The following ANKDD1A variants were observed in gnomAD, a reference collection of about 807,000 sequenced individuals.
The protein encoded by ANKDD1A is ankyrin repeat and death domain containing 1A.
In ANKDD1A, 59 loss-of-function variants were observed where a neutral mutation model predicts 63.5. The ratio of observed to expected loss-of-function variants is 0.93; its 90% CI spans 0.75 to 1.15. The LOEUF (loss-of-function observed/expected upper bound fraction) is 1.15. ANKDD1A is among the 50% of genes most tolerant of loss of function. ANKDD1A has a pLI of 0.00. For synonymous variants in ANKDD1A, 266 were observed against 263.9 expected, an observed-to-expected ratio of 1.01 and a Z score of -0.08; for missense variants, 632 against 656.4, an observed-to-expected ratio of 0.96 and a Z score of 0.41.
intron 14 of ANKDD1A, among the ~76,000 whole-genome samples, chr15:64,952,366 T>TA (rs1027296640): frequency 8.6e-5 from 10 of 116,080 alleles, no homozygotes; most frequent in Admixed American, 8.9e-5. Context: ...TCCTTCTTCT[T>TA]TCTTCTTCCT....
chr15:64,953,435 CCTT>C (rs201552749), intron 14 of ANKDD1A, among the ~76,000 whole-genome samples: 7 of 143,644 alleles, frequency 4.9e-5, no homozygotes, highest in African/African-American at 1.8e-4. Flanking sequence ...TCTTCCTCCT[CCTT>C]CCTTTTCTTC....
At position 64,958,278 on chromosome 15, in the gene ANKDD1A, T is replaced by C. The variant is rs1376087371; in HGVS notation, c.*1090T>C. ...TGGGCATTGGTCAAAACCCATAGCATGTACAGCACAAAGCGTTTGCTCTAA... is the reference window on the plus strand; with the variant it reads ...TGGGCATTGGTCAAAACCCATAGCACGTACAGCACAAAGCGTTTGCTCTAA... On this transcript the variant is annotated 3_prime_UTR_variant, in exon 15 of 15. Coordinates refer to ENST00000319580, the MANE Select transcript of ANKDD1A (RefSeq NM_182703.6). 1.3e-5 allele frequency: 2 copies of C among 152,250 alleles called. No homozygotes were observed. The highest frequency in any genetic ancestry group is 4.8e-5 in the African/African-American group (2 of 41,456). 9.4% of individuals were successfully genotyped at this position (152,250 alleles called of 1,614,324 possible).
At chr15:64,926,530 C>A (rs2085047118) in intron 5 of ANKDD1A, among the ~76,000 whole-genome samples, 1 of 151,876 alleles carries the variant, frequency 6.6e-6, no homozygotes, top group Non-Finnish European at 1.5e-5. Flanking sequence ...CTTGTGGGAG[C>A]TTTAGGGACA....
chr15:64,941,824 G>C (rs1213289214), intron 9 of ANKDD1A, among the ~76,000 whole-genome samples: 2 of 152,176 alleles, frequency 1.3e-5, no homozygotes, highest in Non-Finnish European at 2.9e-5. Flanking sequence ...GTCTTCCACT[G>C]TTGAAGGAGA....
intron 2 of ANKDD1A, among the ~76,000 whole-genome samples, chr15:64,916,267 A>G (rs901173276): frequency 3.3e-5 from 5 of 152,096 alleles, no homozygotes; most frequent in Non-Finnish European, 7.4e-5. Flanking sequence ...GCATCTCACA[A>G]ACAATTCATT....
chr15:64,950,747 C>CTG lies in ANKDD1A; in HGVS notation c.1483+775_1483+776insTG, dbSNP rs1555397230. The CTG allele has an allele frequency of 3.1e-3, 2,800 of 905,340 alleles. 240 individuals carry two copies. Among genetic ancestry groups the CTG allele is most frequent in the Admixed American group, 3.9e-3 (40 of 10,168 alleles). The allele number at this position is 905,340 out of a possible 1,614,324, so 56.1% of individuals were successfully genotyped here. A position where few individuals can be genotyped will look rare whatever the true frequency, so the allele number is the denominator to read the frequency against. On this transcript the variant is annotated intron_variant, in intron 14 of 14. Transcript: ENST00000319580. Reference sequence around the variant, plus strand: ...AAGGACCGCCCCCCCCCCCCCCCCCCCCCATAGCTGCTATAGGCAAGGTGG... The same window carrying CTG: ...AAGGACCGCCCCCCCCCCCCCCCCCCTGCCCATAGCTGCTATAGGCAAGGTGG...
intron 9 of ANKDD1A, among the ~76,000 whole-genome samples, chr15:64,939,172 A>ATG (rs2085160491): frequency 6.7e-6 from 1 of 149,746 alleles, no homozygotes; most frequent in Non-Finnish European, 1.5e-5. Flanking sequence ...GGTAGCTTGC[A>ATG]CCTGTAATCC....
intron 12 of ANKDD1A, 113 bp downstream of exon 12, chr15:64,944,860 A>G (rs2085211255): frequency 5.1e-6 from 5 of 987,904 alleles, no homozygotes; most frequent in East Asian, 2.6e-5. Flanking sequence ...TCAGTCTCCA[A>G]GCAGGTGATA....
intron 1 of ANKDD1A, among the ~76,000 whole-genome samples, chr15:64,912,580 G>A (rs544514277): frequency 5.3e-5 from 8 of 152,342 alleles, no homozygotes; most frequent in African/African-American, 1.2e-4. Flanking sequence ...TCTAGGCCGG[G>A]CAGCAGCGTC....
At position 64,954,175 on chromosome 15, in the gene ANKDD1A, C is replaced by A. The variant is rs1165045053; in HGVS notation, c.1484-2928C>A. Among the ~76,000 whole-genome samples, 322 of 59,408 alleles carry A rather than the reference C, an allele frequency of 5.4e-3. 2 individuals carry two copies. Among genetic ancestry groups the A allele is most frequent in the African/African-American group, 0.011 (308 of 28,460 alleles). 39.0% of individuals were successfully genotyped at this position (59,408 alleles called of 152,430 possible). On this transcript the variant is annotated intron_variant, in intron 14 of 14. Coordinates refer to ENST00000319580, the MANE Select transcript of ANKDD1A (RefSeq NM_182703.6). ...CTTATTATTCTTTCTTCTTTCTTTT[C>A]TTCTTCTTCTCCTTCTTTCTTGTTC...
chr15:64,943,282 G>T (rs1307803820), intron 10 of ANKDD1A: 7 of 563,306 alleles, frequency 1.2e-5, no homozygotes, highest in Non-Finnish European at 2.2e-5. Context: ...TACACAAAAA[G>T]TGTCATGTTG....
At chr15:64,934,336 T>G in intron 9 of ANKDD1A, 102 bp downstream of exon 9, 2 of 1,113,800 alleles carry the variant, frequency 1.8e-6, no homozygotes, top group Non-Finnish European at 2.6e-6. Flanking sequence ...TCCTTGGGGT[T>G]GGGGTGCGGA....
intron 13 of ANKDD1A, among the ~76,000 whole-genome samples, chr15:64,949,220 A>G (rs757888562): frequency 3.3e-5 from 5 of 152,242 alleles, no homozygotes; most frequent in Non-Finnish European, 5.9e-5. Flanking sequence ...CCGTGTGGGC[A>G]ATTATTTTCC....
At chr15:64,946,634 G>A (rs1464235597) in intron 12 of ANKDD1A, among the ~76,000 whole-genome samples, 3 of 152,128 alleles carry the variant, frequency 2.0e-5, no homozygotes, top group Non-Finnish European at 4.4e-5. Flanking sequence ...TCTGAGGTAG[G>A]GGCCAGACAT....
chr15:64,956,886 A>G (rs559557228), intron 14 of ANKDD1A, among the ~76,000 whole-genome samples: 2 of 152,316 alleles, frequency 1.3e-5, no homozygotes, highest in African/African-American at 2.4e-5. Flanking sequence ...GAAAAATTCT[A>G]AAACATATTT....
chr15:64,921,535 C>T (rs1048325448), intron 3 of ANKDD1A, among the ~76,000 whole-genome samples: 3 of 152,100 alleles, frequency 2.0e-5, no homozygotes, highest in Non-Finnish European at 2.9e-5. Context: ...CCACCACGCT[C>T]GGCTAATTTT....
intron 14 of ANKDD1A, among the ~76,000 whole-genome samples, chr15:64,953,210 CTTCT>C (rs1417186917): frequency 0.037 from 1,281 of 34,960 alleles, 20 homozygotes; most frequent in African/African-American, 0.077. Context: ...CTTTCTTCTC[CTTCT>C]TTCTTGTTCC....
At chr15:64,928,506 C>G (rs961873678) in intron 6 of ANKDD1A, among the ~76,000 whole-genome samples, 3 of 152,088 alleles carry the variant, frequency 2.0e-5, no homozygotes, top group African/African-American at 7.2e-5. Flanking sequence ...AAATTGCATA[C>G]CCCTGTTAAG....
At chr15:64,917,628 G>C in intron 3 of ANKDD1A, 114 bp downstream of exon 3, 1 of 1,441,028 alleles carries the variant, frequency 6.9e-7, no homozygotes, top group South Asian at 1.4e-5. Context: ...CAGGTGCAGA[G>C]TGGTGGGGAG....
Sources: gnomAD v4.1 joint callset for allele counts (sites outside exome capture counted in the v4.1 genomes callset) on GRCh38, gnomAD v4.1.1 for gene constraint, MANE v1.5 for transcripts, NCBI Gene and HGNC (gene_info 2026-07-23, HGNC 2026-07-21) for gene names.